Variants in GRAMD4 observed in about 807,000 individuals in gnomAD.
The protein encoded by GRAMD4 is GRAM domain-containing protein 4.
Under a neutral mutation model 83.9 loss-of-function variants are expected in GRAMD4, and 25 were observed. That is an observed-to-expected ratio of 0.30 (90% CI 0.22 to 0.42). The LOEUF (loss-of-function observed/expected upper bound fraction) is 0.42, where lower values mean the gene tolerates loss of function less well. Ranked by LOEUF, GRAMD4 falls within the 10% of genes least tolerant of loss-of-function variation. GRAMD4 has a pLI of 1.00. For synonymous variants in GRAMD4, 336 were observed against 320.9 expected (o/e 1.05, Z -0.50); for missense variants, 593 against 788.7 (o/e 0.75, Z 2.97).
intron 1 of GRAMD4, among the ~76,000 whole-genome samples, chr22:46,583,833 T>C (rs9616061): frequency 0.82 from 125,127 of 152,148 alleles, 51,887 homozygotes; most frequent in South Asian, 0.88. Context: ...TGTTTCCTCC[T>C]TCCAGTACTG....
At chr22:46,648,747 C>CATGGATGGATGGATGGATGG (rs2082112110) in intron 3 of GRAMD4, among the ~76,000 whole-genome samples, 3 of 34,132 alleles carry the variant, frequency 8.8e-5, no homozygotes, top group Admixed American at 3.2e-4. Context: ...TGGATGGATG[C>CATGGATGGATGGATGGATGG]ATGGATGGAT....
intron 1 of GRAMD4, among the ~76,000 whole-genome samples, chr22:46,625,508 C>T (rs2081644382): frequency 6.6e-6 from 1 of 152,270 alleles, no homozygotes; most frequent in South Asian, 2.1e-4. Context: ...CCCAGTTGCC[C>T]TGTCTTCTTG....
chr22:46,652,744 G>A (rs1205708717), intron 3 of GRAMD4, among the ~76,000 whole-genome samples: 6 of 152,218 alleles, frequency 3.9e-5, no homozygotes, highest in African/African-American at 7.2e-5. Context: ...GACAGGGGCC[G>A]GGGCTGGACG....
intron 1 of GRAMD4, among the ~76,000 whole-genome samples, chr22:46,595,137 G>C (rs1463350632): frequency 2.0e-5 from 3 of 152,122 alleles, no homozygotes; most frequent in Non-Finnish European, 2.9e-5. Flanking sequence ...TTCCCCTGGA[G>C]ACACACAGGG....
rs772733848 is a variant in GRAMD4 at position 46,665,611 on chromosome 22, G to A, written c.718-4G>A. On this transcript the variant is annotated splice_region_variant and splice_polypyrimidine_tract_variant and intron_variant, in intron 8 of 18. Transcript: ENST00000406902. ...AGGTCTGACGCCCTGTCTCTCACCCGCAGGTGTACATGAATGCCGTGTGGC... is the reference window on the plus strand; with the variant it reads ...AGGTCTGACGCCCTGTCTCTCACCCACAGGTGTACATGAATGCCGTGTGGC... The A allele has an allele frequency of 4.6e-6, 7 of 1,534,484 alleles. No homozygotes were observed. The highest frequency in any genetic ancestry group is 3.3e-5 in the Admixed American group (2 of 59,794).
chr22:46,611,714 G>C (rs1323812103), intron 1 of GRAMD4, among the ~76,000 whole-genome samples: 1 of 151,906 alleles, frequency 6.6e-6, no homozygotes, highest in Non-Finnish European at 1.5e-5. Context: ...GTCTCGGCTG[G>C]GTGTGGTGGC....
chr22:46,652,194 GGGGCGC>G (rs2082176381), intron 3 of GRAMD4, among the ~76,000 whole-genome samples: 1 of 152,180 alleles, frequency 6.6e-6, no homozygotes, highest in African/African-American at 2.4e-5. Context: ...GGATTATCTG[GGGGCGC>G]ACAGTCACCA....
intron 1 of GRAMD4, among the ~76,000 whole-genome samples, chr22:46,598,534 G>C (rs2081283347): frequency 6.6e-6 from 1 of 152,046 alleles, no homozygotes; most frequent in South Asian, 2.1e-4. Flanking sequence ...GAGAAAAGCA[G>C]TTCTGGTTAC....
intron 1 of GRAMD4, among the ~76,000 whole-genome samples, chr22:46,579,267 C>G (rs1188559725): frequency 6.6e-6 from 1 of 152,244 alleles, no homozygotes; most frequent in African/African-American, 2.4e-5. Context: ...TTAGTACCCT[C>G]CTCTTATCTG....
upstream of GRAMD4, among the ~76,000 whole-genome samples, chr22:46,617,817 C>T (rs1212240780): frequency 3.9e-5 from 6 of 152,196 alleles, no homozygotes; most frequent in Non-Finnish European, 5.9e-5. Flanking sequence ...AGGCTCAGCT[C>T]CCCACATGGG....
At chr22:46,602,342 T>C (rs2081319701) in intron 1 of GRAMD4, among the ~76,000 whole-genome samples, 1 of 152,208 alleles carries the variant, frequency 6.6e-6, no homozygotes, top group Non-Finnish European at 1.5e-5. Context: ...GCTGTGCCTC[T>C]TTGCCAGTCT....
upstream of GRAMD4, among the ~76,000 whole-genome samples, chr22:46,575,818 T>C (rs1433836129): frequency 6.6e-6 from 1 of 152,230 alleles, no homozygotes; most frequent in Non-Finnish European, 1.5e-5. Context: ...CTGGATCCTT[T>C]ACCCTGAAAT....
At chr22:46,656,623 A>G (rs553294012) in intron 3 of GRAMD4, among the ~76,000 whole-genome samples, 4 of 152,216 alleles carry the variant, frequency 2.6e-5, no homozygotes, top group Non-Finnish European at 5.9e-5. Context: ...CTACCCAGAA[A>G]GAAACTTCCA....
upstream of GRAMD4, among the ~76,000 whole-genome samples, chr22:46,615,940 G>A (rs1396713082): frequency 4.5e-4 from 41 of 91,874 alleles, no homozygotes; most frequent in East Asian, 1.2e-3. Flanking sequence ...CTGTGCGTGT[G>A]GGTTCCCCCA....
At chr22:46,637,754 C>G (rs1299080248) in intron 2 of GRAMD4, 86 bp from the exon 3 acceptor site, 1 of 1,458,346 alleles carries the variant, frequency 6.9e-7, no homozygotes, top group African/African-American at 1.4e-5. Flanking sequence ...CATCCTGGGG[C>G]CCCTGGGCAC....
In GRAMD4 at chr22:46,661,384, C is replaced by A; in HGVS notation, c.408C>A (p.Thr136=). The A allele has an allele frequency of 6.2e-7, 1 of 1,612,046 alleles. No individual in the cohort carries two copies. The highest frequency in any genetic ancestry group is 8.5e-7 in the Non-Finnish European group (1 of 1,179,178). Residue 136 remains threonine, a synonymous_variant, in exon 5 of 19, where the codon ACC becomes ACA. Coordinates refer to ENST00000406902, the MANE Select transcript of GRAMD4 (RefSeq NM_015124.5). ...TCTTCTCTCCCTGCTTTTTAAGAAC[C>A]GAGGAGCAGATGGCTCAGCAGCCCC... ...QKVQEVLKAR[T]EEQMAQQPPK...
At chr22:46,675,767 C>G (rs2082588200) in intron 17 of GRAMD4, among the ~76,000 whole-genome samples, 1 of 152,150 alleles carries the variant, frequency 6.6e-6, no homozygotes, top group Admixed American at 6.5e-5. Flanking sequence ...CCGTGTGTCT[C>G]AAAGTGGAGG....
chr22:46,626,099 G>A lies in GRAMD4; in HGVS notation c.-49-652G>A, dbSNP rs138480. On this transcript the variant is annotated intron_variant, in intron 1 of 18. Transcript: ENST00000406902. ...CTGGTCGCATGGCGAGTAGGAACAC[G>A]CTTTAGGCAGAGGGAGCAGTGTGGG... Among the ~76,000 whole-genome samples the A allele has an allele frequency of 5.9e-5, 9 of 152,010 alleles. No homozygotes were observed. In the South Asian group the frequency reaches 8.3e-4, roughly 14 times the overall value.
At chr22:46,616,695 CCT>C (rs140678989), upstream of GRAMD4, among the ~76,000 whole-genome samples, 5,472 of 90,326 alleles carry the variant, frequency 0.061, 1,013 homozygotes, top group East Asian at 0.36. Context: ...TGTAGGTTCC[CCT>C]GTGCGTGTAG....
Sources: allele counts gnomAD v4.1 joint callset (sites outside exome capture counted in the v4.1 genomes callset), GRCh38; gene constraint gnomAD v4.1.1; transcripts MANE v1.5; gene names NCBI Gene and HGNC (gene_info 2026-07-23, HGNC 2026-07-21).